TBC1D22A: variants seen among roughly 807,000 people sequenced by gnomAD.
The protein encoded by TBC1D22A is TBC1 domain family member 22A, also known as putative GTPase activator.
Under a neutral mutation model 60.2 loss-of-function variants are expected in TBC1D22A, and 38 were observed. That is an observed-to-expected ratio of 0.63 (90% CI 0.49 to 0.83). The LOEUF is 0.83. Ranked by LOEUF, TBC1D22A falls within the 40% of genes least tolerant of loss-of-function variation. The probability of loss-of-function intolerance (pLI) is 0.00; values close to 1 mark genes in which losing one functional copy is unlikely to be tolerated. For missense variants in TBC1D22A, 628 were observed against 701.0 expected, an observed-to-expected ratio of 0.90 and a Z score of 1.18; for synonymous variants, 302 against 281.7, an observed-to-expected ratio of 1.07 and a Z score of -0.72.
At chr22:46,955,338 A>T (rs2073130738) in intron 8 of TBC1D22A, among the ~76,000 whole-genome samples, 2 of 152,222 alleles carry the variant, frequency 1.3e-5, no homozygotes. Context: ...ATTATTTTCC[A>T]CTCACCCTGA....
chr22:46,854,004 C>G (rs2087432093), intron 4 of TBC1D22A, among the ~76,000 whole-genome samples: 1 of 152,202 alleles, frequency 6.6e-6, no homozygotes. Flanking sequence ...CCCCGATTTC[C>G]CCCGCTGTCT....
intron 8 of TBC1D22A, among the ~76,000 whole-genome samples, chr22:46,952,928 G>A (rs1042334705): frequency 6.6e-6 from 1 of 152,150 alleles, no homozygotes; most frequent in Non-Finnish European, 1.5e-5. Context: ...TCTGATCCGA[G>A]GGTGGTCTCG....
rs12170484 is a variant in TBC1D22A, at chr22:46,889,862, A to T, written c.709-1404A>T. Among the ~76,000 whole-genome samples, 902 of 152,310 alleles carry T rather than the reference A, an allele frequency of 5.9e-3. 15 individuals are homozygous for T. Among genetic ancestry groups the T allele is most frequent in the African/African-American group, 0.021 (854 of 41,570 alleles). Reference sequence around the variant, plus strand: ...TGGACTGCAGAGGATACTGGGAAGTATACAGGGGCGGGGGGATAGAAGTGT... The same window carrying T: ...TGGACTGCAGAGGATACTGGGAAGTTTACAGGGGCGGGGGGATAGAAGTGT... On this transcript the variant is annotated intron_variant, in intron 5 of 12. Coordinates refer to ENST00000337137, the MANE Select transcript of TBC1D22A (RefSeq NM_014346.5).
chr22:46,877,889 G>A (rs958853857), intron 4 of TBC1D22A, among the ~76,000 whole-genome samples: 3 of 152,166 alleles, frequency 2.0e-5, no homozygotes, highest in African/African-American at 4.8e-5. Context: ...AAGGAGACTC[G>A]GAAGGTCGAT....
intron 8 of TBC1D22A, among the ~76,000 whole-genome samples, chr22:46,960,527 G>C (rs1012659678): frequency 6.6e-6 from 1 of 152,162 alleles, no homozygotes; most frequent in Admixed American, 6.5e-5. Context: ...CCCCCAAAGT[G>C]CTGGGATTAC....
intron 4 of TBC1D22A, among the ~76,000 whole-genome samples, chr22:46,851,136 G>A (rs144068910): frequency 2.6e-3 from 389 of 152,328 alleles, no homozygotes; most frequent in African/African-American, 8.6e-3. Flanking sequence ...TTGATGGTAT[G>A]TGAATTATGT....
At chr22:46,822,484 A>G (rs568253073) in intron 4 of TBC1D22A, among the ~76,000 whole-genome samples, 88 of 152,052 alleles carry the variant, frequency 5.8e-4, no homozygotes, top group Non-Finnish European at 1.1e-3. Context: ...TTTTCTTGCA[A>G]TAGTCAGGTC....
At chr22:46,774,606 TCTC>T (rs1297159182) in intron 1 of TBC1D22A, among the ~76,000 whole-genome samples, 1 of 152,128 alleles carries the variant, frequency 6.6e-6, no homozygotes, top group African/African-American at 2.4e-5. Context: ...CTGGGCGCCC[TCTC>T]CTCCCTGAGT....
intron 12 of TBC1D22A, among the ~76,000 whole-genome samples, chr22:47,130,385 G>A (rs910009177): frequency 5.3e-5 from 8 of 152,004 alleles, no homozygotes; most frequent in African/African-American, 9.7e-5. Context: ...TTCCTTGTCC[G>A]GTAGAGCACA....
At chr22:47,121,413 G>A (rs1391415328) in intron 12 of TBC1D22A, among the ~76,000 whole-genome samples, 5 of 152,138 alleles carry the variant, frequency 3.3e-5, no homozygotes, top group Non-Finnish European at 5.9e-5. Flanking sequence ...TCCAGCTCTC[G>A]GGGTACAGTT....
chr22:47,060,288 C>T (rs373557230), intron 11 of TBC1D22A, among the ~76,000 whole-genome samples: 2 of 140,912 alleles, frequency 1.4e-5, no homozygotes, highest in East Asian at 4.1e-4. Flanking sequence ...GTTGCCCAGG[C>T]TGGAGTGCAA....
At chr22:46,762,934 G>C in intron 1 of TBC1D22A, 86 bp downstream of exon 1, 1 of 1,324,982 alleles carries the variant, frequency 7.5e-7, no homozygotes, top group Non-Finnish European at 1.0e-6. Context: ...GGTGGAGTCG[G>C]GGGTCTGGAG....
chr22:46,928,403 C>G (rs908272709), intron 8 of TBC1D22A, among the ~76,000 whole-genome samples: 5 of 152,192 alleles, frequency 3.3e-5, no homozygotes. Context: ...CCACTCCTGC[C>G]TCTCTGTAGA....
chr22:46,829,479 G>C (rs1245358662), intron 4 of TBC1D22A, among the ~76,000 whole-genome samples: 1 of 152,192 alleles, frequency 6.6e-6, no homozygotes, highest in Non-Finnish European at 1.5e-5. Context: ...TTTTGCTGCT[G>C]ATTAGAGACA....
At chr22:46,871,388 G>A (rs937899390) in intron 4 of TBC1D22A, among the ~76,000 whole-genome samples, 15 of 152,294 alleles carry the variant, frequency 9.8e-5, no homozygotes, top group South Asian at 4.1e-4. Flanking sequence ...ATAAAATACC[G>A]CATCTACTAA....
intron 8 of TBC1D22A, among the ~76,000 whole-genome samples, chr22:46,933,626 G>GGGGC (rs2071477859): frequency 7.0e-6 from 1 of 143,240 alleles, no homozygotes; most frequent in African/African-American, 2.8e-5. Context: ...AGAGACCACT[G>GGGGC]GGGGGGGGTT....
chr22:47,121,630 C>T (rs184985772), intron 12 of TBC1D22A, among the ~76,000 whole-genome samples: 12 of 151,938 alleles, frequency 7.9e-5, no homozygotes, highest in Admixed American at 3.3e-4. Flanking sequence ...ACAGAAAGAC[C>T]GAACAGAAAC....
At chr22:46,974,649 TG>T (rs1270717437) in intron 9 of TBC1D22A, among the ~76,000 whole-genome samples, 7 of 152,248 alleles carry the variant, frequency 4.6e-5, no homozygotes, top group African/African-American at 1.7e-4. Flanking sequence ...GTGCAGAGTC[TG>T]ATCCCCTGCT....
rs145974218 is a variant in TBC1D22A at position 47,172,107 on chromosome 22, C to T, written c.1426-1391C>T. Reference sequence around the variant, plus strand: ...CCCAGCACTCCCAGTGAGCTGTGTGCTCACCCAGAGTGCCCAGTGAGCCCA... The same window carrying T: ...CCCAGCACTCCCAGTGAGCTGTGTGTTCACCCAGAGTGCCCAGTGAGCCCA... On this transcript the variant is annotated intron_variant, in intron 12 of 12. Transcript: ENST00000337137. Among the ~76,000 whole-genome samples, 339 of 129,172 alleles carry T rather than the reference C, an allele frequency of 2.6e-3. 2 individuals carry two copies. The highest frequency in any genetic ancestry group is 0.018 in the South Asian group (71 of 4,042). 84.7% of individuals were successfully genotyped at this position (129,172 alleles called of 152,430 possible).
Sources: allele counts gnomAD v4.1 joint callset (sites outside exome capture counted in the v4.1 genomes callset), GRCh38; gene constraint gnomAD v4.1.1; transcripts MANE v1.5; gene names NCBI Gene and HGNC (gene_info 2026-07-23, HGNC 2026-07-21).